SBF2: variants seen among roughly 807,000 people sequenced by gnomAD.
SBF2 encodes the protein SET binding factor 2.
In SBF2, 112 loss-of-function variants were observed where a neutral mutation model predicts 225.2. That is an observed-to-expected ratio of 0.50 (90% CI 0.43 to 0.58). SBF2 has a LOEUF of 0.58. Ranked by LOEUF, SBF2 falls within the 20% of genes least tolerant of loss-of-function variation. The pLI is 0.00. For missense variants in SBF2, 1,996 were observed against 2,206.2 expected (o/e 0.90, Z 1.91); for synonymous variants, 763 against 773.3 (o/e 0.99, Z 0.22).
intron 3 of SBF2, among the ~76,000 whole-genome samples, chr11:10,036,344 T>G (rs1168651361): frequency 2.6e-5 from 4 of 152,114 alleles, no homozygotes; most frequent in Non-Finnish European, 5.9e-5. Context: ...CAAACCACCA[T>G]GGCACATGTA....
intron 39 of SBF2, among the ~76,000 whole-genome samples, chr11:9,781,001 G>T (rs1851968964): frequency 6.6e-6 from 1 of 152,304 alleles, no homozygotes; most frequent in Non-Finnish European, 1.5e-5. Flanking sequence ...CATAGAGGAT[G>T]ACCTATCCTC....
At chr11:10,254,393 A>T (rs1960662634) in intron 1 of SBF2, among the ~76,000 whole-genome samples, 1 of 151,912 alleles carries the variant, frequency 6.6e-6, no homozygotes, top group African/African-American at 2.4e-5. Context: ...AAGAAAAAAA[A>T]AAAAAAGAAC....
intron 2 of SBF2, among the ~76,000 whole-genome samples, chr11:10,164,237 T>C (rs1328723839): frequency 6.6e-6 from 1 of 152,192 alleles, no homozygotes; most frequent in African/African-American, 2.4e-5. Flanking sequence ...AACATCTAGG[T>C]CTTTTTCACA....
intron 2 of SBF2, among the ~76,000 whole-genome samples, chr11:10,101,789 C>T (rs999035473): frequency 1.8e-4 from 27 of 151,878 alleles, no homozygotes; most frequent in African/African-American, 5.3e-4. Flanking sequence ...AAATCTGGTG[C>T]GCTTTGTGCT....
chr11:9,922,162 G>T (rs1004193085), intron 16 of SBF2, among the ~76,000 whole-genome samples: 2 of 152,004 alleles, frequency 1.3e-5, no homozygotes. Flanking sequence ...GGGAGGACTG[G>T]TTGAGCCCAG....
chr11:9,984,890 T>C (rs986461281), intron 13 of SBF2, among the ~76,000 whole-genome samples: 1 of 152,152 alleles, frequency 6.6e-6, no homozygotes, highest in Non-Finnish European at 1.5e-5. Flanking sequence ...CTGAAAGAAT[T>C]TGCCATTACC....
intron 1 of SBF2, among the ~76,000 whole-genome samples, chr11:10,246,694 T>C (rs921065005): frequency 1.3e-5 from 2 of 152,164 alleles, no homozygotes; most frequent in Non-Finnish European, 2.9e-5. Flanking sequence ...ACTATAACCA[T>C]TAAAAACAAT....
At chr11:10,101,202 T>C (rs974006948) in intron 2 of SBF2, among the ~76,000 whole-genome samples, 1 of 152,134 alleles carries the variant, frequency 6.6e-6, no homozygotes, top group African/African-American at 2.4e-5. Context: ...GACTATCCAC[T>C]CTTCGTCTTA....
intron 1 of SBF2, among the ~76,000 whole-genome samples, chr11:10,281,942 A>G (rs1963435098): frequency 6.6e-6 from 1 of 152,188 alleles, no homozygotes; most frequent in Non-Finnish European, 1.5e-5. Context: ...CATTTTCAAC[A>G]AGCCATGAGT....
In SBF2 at chr11:9,993,973, G is replaced by T; in HGVS notation, c.1001C>A (p.Ala334Glu). The T allele has an allele frequency of 8.3e-7, 1 of 1,203,646 alleles. No homozygotes were observed. The highest frequency in any genetic ancestry group is 1.2e-6 in the Non-Finnish European group (1 of 805,208). The allele number at this position is 1,203,646 out of a possible 1,614,324, so 74.6% of individuals were successfully genotyped here. The change falls in exon 10 of 40, where the codon GCA (alanine) becomes GAA (glutamate). Residue 334 changes from alanine to glutamate, a missense_variant. By Grantham distance (107) the Ala-to-Glu change is moderately radical. Transcript: ENST00000256190. ...TCGTGGAGGAGGAAAAGCATGATCT[G>T]CTACTTCCAAATCTGGGTGTAAAAT... is the stretch of plus-strand genomic sequence containing the variant. The part of the protein sequence containing the change: ...SLILHPDLEV[A>E]DHAFPPPRTA...
intron 8 of SBF2, among the ~76,000 whole-genome samples, chr11:10,000,567 T>C (rs1225314169): frequency 6.6e-6 from 1 of 152,212 alleles, no homozygotes; most frequent in Admixed American, 6.5e-5. Flanking sequence ...AGGAATTTGG[T>C]ATCAAGACAC....
At chr11:9,878,792 T>A (rs1859504133) in intron 17 of SBF2, among the ~76,000 whole-genome samples, 1 of 152,172 alleles carries the variant, frequency 6.6e-6, no homozygotes, top group Non-Finnish European at 1.5e-5. Flanking sequence ...ACCAGCTAAC[T>A]CCACAGTCAT....
intron 1 of SBF2, among the ~76,000 whole-genome samples, chr11:10,278,352 A>G (rs541333611): frequency 9.0e-4 from 137 of 152,378 alleles, no homozygotes; most frequent in African/African-American, 3.0e-3. Flanking sequence ...GGTAATAACA[A>G]TTTTAAATAA....
chr11:10,002,752 T>C (rs1948026865), intron 6 of SBF2, 63 bp from the exon 7 acceptor site: 5 of 1,498,972 alleles, frequency 3.3e-6, no homozygotes, highest in East Asian at 2.3e-5. Flanking sequence ...TCAACAATCA[T>C]AGACAGTATA....
chr11:10,197,790 T>C (rs1184629829), intron 1 of SBF2, among the ~76,000 whole-genome samples: 1 of 152,256 alleles, frequency 6.6e-6, no homozygotes, highest in African/African-American at 2.4e-5. Context: ...CCTTTGTCAT[T>C]TCAATGAAAT....
At chr11:9,850,559 T>C (rs1397736115) in intron 21 of SBF2, among the ~76,000 whole-genome samples, 1 of 152,142 alleles carries the variant, frequency 6.6e-6, no homozygotes, top group Non-Finnish European at 1.5e-5. Flanking sequence ...TAGAAAAGTA[T>C]TTTAAACACA....
chr11:9,854,002 A>T (rs1857144751), intron 19 of SBF2, among the ~76,000 whole-genome samples: 1 of 152,242 alleles, frequency 6.6e-6, no homozygotes, highest in South Asian at 2.1e-4. Context: ...AAAGGAATGC[A>T]GGAACCACAG....
intron 13 of SBF2, among the ~76,000 whole-genome samples, chr11:9,985,654 CTGTAAAGCAACAG>C (rs1452745303): frequency 6.6e-6 from 1 of 152,108 alleles, no homozygotes; most frequent in African/African-American, 2.4e-5. Context: ...GCAAAACAAA[CTGTAAAGCAACAG>C]TGGTTAAAAA....
At chr11:10,055,876 G>T (rs1050256861) in intron 2 of SBF2, among the ~76,000 whole-genome samples, 2 of 151,946 alleles carry the variant, frequency 1.3e-5, no homozygotes, top group African/African-American at 4.8e-5. Context: ...ACTTTACCAT[G>T]ATATAATCTT....
Sources: allele counts gnomAD v4.1 joint callset (sites outside exome capture counted in the v4.1 genomes callset), GRCh38; gene constraint gnomAD v4.1.1; transcripts MANE v1.5; gene names NCBI Gene and HGNC (gene_info 2026-07-23, HGNC 2026-07-21).